KCNAB1: variants seen among roughly 807,000 people sequenced by gnomAD.
The protein encoded by KCNAB1 is voltage-gated potassium channel subunit beta-1.
A neutral mutation model predicts 64.6 loss-of-function variants in KCNAB1; 35 were observed. The ratio of observed to expected loss-of-function variants is 0.54; its 90% CI spans 0.41 to 0.72. The LOEUF is 0.72. Among genes scored for constraint, KCNAB1 ranks in the 30% least tolerant of loss-of-function variants. The pLI is 0.00. For missense variants in KCNAB1, 401 were observed against 512.9 expected (o/e 0.78, Z 2.11); for synonymous variants, 177 against 183.8 (o/e 0.96, Z 0.30).
At chr3:156,326,361 G>T (rs566901192) in intron 1 of KCNAB1, among the ~76,000 whole-genome samples, 1 of 152,176 alleles carries the variant, frequency 6.6e-6, no homozygotes, top group African/African-American at 2.4e-5. Context: ...CTCTGTCTAG[G>T]CAGAGTTCTG....
At chr3:156,329,081 C>A (rs1308295390) in intron 1 of KCNAB1, among the ~76,000 whole-genome samples, 1 of 152,138 alleles carries the variant, frequency 6.6e-6, no homozygotes, top group African/African-American at 2.4e-5. Context: ...TATCTTTTTG[C>A]TGGTGACAAC....
intron 1 of KCNAB1, among the ~76,000 whole-genome samples, chr3:156,396,151 A>G (rs996920083): frequency 6.6e-6 from 1 of 152,098 alleles, no homozygotes; most frequent in Non-Finnish European, 1.5e-5. Flanking sequence ...GACAGGACTT[A>G]TTTGTTTTTC....
chr3:156,164,069 T>C (rs886618776), intron 1 of KCNAB1, among the ~76,000 whole-genome samples: 1 of 152,210 alleles, frequency 6.6e-6, no homozygotes, highest in Non-Finnish European at 1.5e-5. Context: ...CTTAACCCAC[T>C]GGCGACAGGG....
At chr3:156,475,548 A>T (rs1254732141) in intron 8 of KCNAB1, among the ~76,000 whole-genome samples, 1 of 152,228 alleles carries the variant, frequency 6.6e-6, no homozygotes, top group Non-Finnish European at 1.5e-5. Flanking sequence ...ATTATCACTT[A>T]CCTGAGGTGA....
chr3:156,421,637 CAG>C lies in KCNAB1; in HGVS notation c.300_301del (p.Arg100SerfsTer19), dbSNP rs1418757480. 3 of 1,613,842 alleles carry C rather than the reference CAG, an allele frequency of 1.9e-6. No homozygotes were observed. On this transcript the variant is annotated frameshift_variant, in exon 2 of 14. Coordinates refer to ENST00000490337, the MANE Select transcript of KCNAB1 (RefSeq NM_172160.3). LOFTEE classifies it high-confidence loss of function. ...ATAGGAATCTTGGAAAATCAGGACT[CAG>C]AGTTTCTTGCTTGGGTCTTGGTAAG... Reference protein sequence around the residue: ...PHRNLGKSGLRVSCLGLGTWV... With the variant: ...PHRNLGKSGLXVSCLGLGTWV...
intron 1 of KCNAB1, among the ~76,000 whole-genome samples, chr3:156,309,878 T>C (rs1039362983): frequency 5.3e-5 from 8 of 152,204 alleles, no homozygotes. Flanking sequence ...TCTAGAATTG[T>C]AGGCCTTCAC....
chr3:156,456,084 A>G (rs774045291), intron 3 of KCNAB1: 1 of 152,188 alleles, frequency 6.6e-6, no homozygotes, highest in Non-Finnish European at 1.5e-5. Context: ...CTAAATTTAC[A>G]GAGAGGTCAG....
chr3:156,401,444 T>A (rs1713883286), intron 1 of KCNAB1, among the ~76,000 whole-genome samples: 2 of 152,226 alleles, frequency 1.3e-5, no homozygotes, highest in African/African-American at 4.8e-5. Flanking sequence ...TTCCTTTCTA[T>A]TTTTATAGAG....
chr3:156,520,722 T>TA (rs1421537993), intron 11 of KCNAB1, among the ~76,000 whole-genome samples: 1 of 152,260 alleles, frequency 6.6e-6, no homozygotes, highest in African/African-American at 2.4e-5. Context: ...TACATTATGG[T>TA]AAAATTTCAG....
chr3:156,236,036 A>G (rs955347911), intron 1 of KCNAB1, among the ~76,000 whole-genome samples: 1 of 152,346 alleles, frequency 6.6e-6, no homozygotes, highest in Admixed American at 6.5e-5. Context: ...TTCATCCCAG[A>G]TATATTAAAT....
intron 1 of KCNAB1, among the ~76,000 whole-genome samples, chr3:156,228,236 C>G (rs1473690898): frequency 6.6e-6 from 1 of 151,962 alleles, no homozygotes; most frequent in African/African-American, 2.4e-5. Flanking sequence ...GCACAGTCTT[C>G]AGATGAAGGG....
intron 1 of KCNAB1, among the ~76,000 whole-genome samples, chr3:156,135,293 A>G (rs1714274499): frequency 6.6e-6 from 1 of 152,032 alleles, no homozygotes; most frequent in Non-Finnish European, 1.5e-5. Flanking sequence ...CACTGCACCC[A>G]GCCTGGTTTA....
intron 1 of KCNAB1, among the ~76,000 whole-genome samples, chr3:156,307,302 T>C (rs987371220): frequency 2.6e-5 from 4 of 152,020 alleles, no homozygotes; most frequent in African/African-American, 9.7e-5. Context: ...ACTGATTTGA[T>C]TTTAGAACAG....
intron 1 of KCNAB1, among the ~76,000 whole-genome samples, chr3:156,368,352 TGA>T (rs1200422167): frequency 1.3e-5 from 2 of 152,182 alleles, no homozygotes; most frequent in African/African-American, 4.8e-5. Context: ...GCTCACCTGG[TGA>T]TCCGTTCAAA....
At chr3:156,332,524 C>A (rs529481407) in intron 1 of KCNAB1, among the ~76,000 whole-genome samples, 1 of 152,210 alleles carries the variant, frequency 6.6e-6, no homozygotes, top group African/African-American at 2.4e-5. Flanking sequence ...CCAGTATTTG[C>A]CAATGTTCAC....
At chr3:156,328,242 G>T (rs543230635) in intron 1 of KCNAB1, among the ~76,000 whole-genome samples, 2 of 152,108 alleles carry the variant, frequency 1.3e-5, no homozygotes, top group African/African-American at 4.8e-5. Context: ...GATCATGAAG[G>T]GCTTGGTATA....
At chr3:156,240,849 A>G (rs910695967) in intron 1 of KCNAB1, among the ~76,000 whole-genome samples, 1 of 152,200 alleles carries the variant, frequency 6.6e-6, no homozygotes, top group Admixed American at 6.5e-5. Flanking sequence ...CCAGTAGGGG[A>G]GGAAGGAAGT....
chr3:156,514,308 C>T, intron 8 of KCNAB1, 56 bp from the exon 9 acceptor site: 2 of 1,400,858 alleles, frequency 1.4e-6, no homozygotes, highest in South Asian at 2.3e-5. Flanking sequence ...GTAAAAATCG[C>T]ATAACTTTGA....
chr3:156,174,907 AGTT>A (rs1474358978), intron 1 of KCNAB1, among the ~76,000 whole-genome samples: 2 of 152,188 alleles, frequency 1.3e-5, no homozygotes, highest in East Asian at 3.8e-4. Context: ...ACCAGATGCT[AGTT>A]GTTGAACTCT....
Sources: allele counts gnomAD v4.1 joint callset (sites outside exome capture counted in the v4.1 genomes callset), GRCh38; gene constraint gnomAD v4.1.1; transcripts MANE v1.5; gene names NCBI Gene and HGNC (gene_info 2026-07-23, HGNC 2026-07-21).